The following KIF5C variants were observed in gnomAD, a reference collection of about 807,000 sequenced individuals.
KIF5C encodes kinesin family member 5C.
KIF5C carries 18 observed loss-of-function variants against 125.2 expected under a neutral mutation model. That is an observed-to-expected ratio of 0.14 (90% CI 0.10 to 0.21). KIF5C has a LOEUF of 0.21. KIF5C is among the 10% of genes least tolerant of loss of function. The pLI is 1.00. For synonymous variants in KIF5C, 405 were observed against 434.0 expected (o/e 0.93, Z 0.83); for missense variants, 780 against 1,183.8 (o/e 0.66, Z 5.01).
intron 21 of KIF5C, 86 bp downstream of exon 21, chr2:149,000,868 T>G (rs1310977175): frequency 2.5e-6 from 4 of 1,587,836 alleles, no homozygotes; most frequent in Admixed American, 1.8e-5. Flanking sequence ...ATTTTATCCA[T>G]GCACACCTTT....
At chr2:149,014,569 A>G (rs1682304787) in intron 25 of KIF5C, among the ~76,000 whole-genome samples, 1 of 152,194 alleles carries the variant, frequency 6.6e-6, no homozygotes, top group Non-Finnish European at 1.5e-5. Flanking sequence ...ACTTCCTTCA[A>G]GTTACTTAAA....
intron 1 of KIF5C, among the ~76,000 whole-genome samples, chr2:148,919,108 T>A (rs539876865): frequency 6.6e-6 from 1 of 152,324 alleles, no homozygotes; most frequent in African/African-American, 2.4e-5. Flanking sequence ...AGATGGCTCA[T>A]GGACACCTAA....
intron 8 of KIF5C, among the ~76,000 whole-genome samples, chr2:148,948,683 T>C (rs1682584002): frequency 6.6e-6 from 1 of 152,054 alleles, no homozygotes; most frequent in South Asian, 2.1e-4. Context: ...CCGTCTCCCC[T>C]GAATGGTGTT....
chr2:148,912,506 A>G (rs1219364116), intron 1 of KIF5C, among the ~76,000 whole-genome samples: 3 of 152,224 alleles, frequency 2.0e-5, no homozygotes, highest in Non-Finnish European at 4.4e-5. Context: ...GTGCAGTGGC[A>G]TGATCGTAGT....
At chr2:148,880,122 C>CT (rs113647943) in intron 1 of KIF5C, among the ~76,000 whole-genome samples, 128 of 147,568 alleles carry the variant, frequency 8.7e-4, no homozygotes, top group Non-Finnish European at 7.2e-4. Context: ...AGTAATACCA[C>CT]TTTTTTTTTT....
At chr2:148,975,846 T>C (rs140894913) in intron 12 of KIF5C, among the ~76,000 whole-genome samples, 33 of 152,336 alleles carry the variant, frequency 2.2e-4, no homozygotes, top group African/African-American at 6.7e-4. Context: ...ATGGGGCTTA[T>C]ATCTGTTAAT....
At chr2:149,007,718 CA>C (rs1005411566) in intron 22 of KIF5C, among the ~76,000 whole-genome samples, 82 of 151,554 alleles carry the variant, frequency 5.4e-4, no homozygotes, top group African/African-American at 1.9e-3. Flanking sequence ...CTACAACTTT[CA>C]AAAGCAGATT....
At chr2:148,985,645 T>G (rs1259489725) in intron 15 of KIF5C, among the ~76,000 whole-genome samples, 1 of 152,230 alleles carries the variant, frequency 6.6e-6, no homozygotes, top group African/African-American at 2.4e-5. Flanking sequence ...TGAAACCAAA[T>G]TCTTTGAATT....
chr2:149,001,579 T>G (rs79625956), intron 21 of KIF5C, among the ~76,000 whole-genome samples: 115 of 152,312 alleles, frequency 7.6e-4, no homozygotes, highest in African/African-American at 2.7e-3. Flanking sequence ...GGCTTGTTAT[T>G]TGAAACCCTG....
rs1426923694 is a variant in KIF5C, at chr2:148,949,988, C to A, written c.819+45C>A. 3.8e-6 allele frequency: 6 copies of A among 1,580,640 alleles called. No homozygotes were observed. In the African/African-American group the frequency reaches 6.8e-5, roughly 18 times the overall value. ...TCTATTAAGTAATATTATGAGAAAC[C>A]ACCTTTTGGGGCCTCATAGTCCCTT... On this transcript the variant is annotated intron_variant, in intron 9 of 25. Transcript: ENST00000435030.
chr2:149,019,793 A>T (rs1682477670), intron 25 of KIF5C, among the ~76,000 whole-genome samples: 1 of 152,266 alleles, frequency 6.6e-6, no homozygotes. Flanking sequence ...CAATTGCAAA[A>T]GCCCAAGTTG....
At chr2:148,997,365 A>G (rs778087064) in intron 18 of KIF5C, 25 bp downstream of exon 18, 1 of 1,613,856 alleles carries the variant, frequency 6.2e-7, no homozygotes, top group South Asian at 1.1e-5. Flanking sequence ...CCCTTCCATC[A>G]AGCCCAGTGT....
At chr2:148,934,680 G>A (rs924729328) in intron 3 of KIF5C, among the ~76,000 whole-genome samples, 4 of 150,954 alleles carry the variant, frequency 2.6e-5, no homozygotes, top group African/African-American at 4.9e-5. Context: ...CCCCACACTC[G>A]CCACACTTCC....
At chr2:148,984,597 A>C (rs547889710) in intron 15 of KIF5C, among the ~76,000 whole-genome samples, 1 of 152,276 alleles carries the variant, frequency 6.6e-6, no homozygotes, top group South Asian at 2.1e-4. Context: ...CAACTTCTTT[A>C]ATCCAGGAGG....
chr2:148,905,746 C>T (rs1037756452), intron 1 of KIF5C, among the ~76,000 whole-genome samples: 4 of 152,104 alleles, frequency 2.6e-5, no homozygotes, highest in African/African-American at 9.7e-5. Context: ...CACTTTCACA[C>T]TGCTGAAAAA....
At chr2:148,961,531 G>A (rs1682927287) in intron 10 of KIF5C, among the ~76,000 whole-genome samples, 1 of 152,168 alleles carries the variant, frequency 6.6e-6, no homozygotes, top group Admixed American at 6.5e-5. Context: ...TATCTGTCTT[G>A]GTGTACCCCA....
intron 1 of KIF5C, among the ~76,000 whole-genome samples, chr2:148,908,531 G>A (rs1681204555): frequency 6.6e-6 from 1 of 152,182 alleles, no homozygotes; most frequent in Admixed American, 6.5e-5. Context: ...TATGGACATG[G>A]GCTCTTGTTC....
Position 149,000,374 on chromosome 2 carries a change from A to G in KIF5C, c.2211-49A>G, listed in dbSNP as rs193039441. On this transcript the variant is annotated intron_variant, in intron 19 of 25. Transcript: ENST00000435030. ...AACCACGGTTTTAGCCTGATGACTC[A>G]GAATTTCAGACTGATGTGGAATATA... 42 of 1,536,248 alleles carry G rather than the reference A, an allele frequency of 2.7e-5. No individual in the cohort carries two copies. In the East Asian group the frequency reaches 1.0e-3, roughly 37 times the overall value.
chr2:148,986,995 G>C (rs1392392444), intron 15 of KIF5C, among the ~76,000 whole-genome samples: 2 of 152,208 alleles, frequency 1.3e-5, no homozygotes, highest in African/African-American at 4.8e-5. Context: ...ACAGAAGTAT[G>C]ATGAGGTCCA....
Sources: gnomAD v4.1 joint callset for allele counts (sites outside exome capture counted in the v4.1 genomes callset) on GRCh38, gnomAD v4.1.1 for gene constraint, MANE v1.5 for transcripts, NCBI Gene and HGNC (gene_info 2026-07-23, HGNC 2026-07-21) for gene names.